DACH1: variants seen among roughly 807,000 people sequenced by gnomAD.
DACH1 encodes the protein dachshund homolog 1.
A neutral mutation model predicts 54.2 loss-of-function variants in DACH1; 12 were observed. That is an observed-to-expected ratio of 0.22 (90% CI 0.14 to 0.36). The LOEUF (loss-of-function observed/expected upper bound fraction) is 0.36, where lower values mean the gene tolerates loss of function less well. Among genes scored for constraint, DACH1 ranks in the 10% least tolerant of loss-of-function variants. DACH1 has a pLI of 1.00. For missense variants in DACH1, 805 were observed against 929.8 expected (o/e 0.87, Z 1.75); for synonymous variants, 386 against 366.2 (o/e 1.05, Z -0.62).
intron 7 of DACH1, among the ~76,000 whole-genome samples, chr13:71,483,035 T>A (rs1219844291): frequency 6.6e-6 from 1 of 151,880 alleles, no homozygotes; most frequent in African/African-American, 2.4e-5. Flanking sequence ...ACCCCTTACC[T>A]CAGGCGATCC....
intron 10 of DACH1, among the ~76,000 whole-genome samples, chr13:71,451,148 A>G (rs1875014423): frequency 6.6e-6 from 1 of 152,134 alleles, no homozygotes; most frequent in African/African-American, 2.4e-5. Flanking sequence ...CCTTCGACAA[A>G]GTGTTTTAGT....
intron 2 of DACH1, among the ~76,000 whole-genome samples, chr13:71,674,091 C>T (rs1880396082): frequency 6.6e-6 from 1 of 152,090 alleles, no homozygotes; most frequent in Non-Finnish European, 1.5e-5. Context: ...ATTCATTGAA[C>T]AAATATTTAG....
chr13:71,623,661 G>A (rs1421142924), intron 3 of DACH1, among the ~76,000 whole-genome samples: 1 of 151,434 alleles, frequency 6.6e-6, no homozygotes, highest in Non-Finnish European at 1.5e-5. Context: ...CTTTTATTGA[G>A]GTTTCAAAAA....
intron 6 of DACH1, among the ~76,000 whole-genome samples, chr13:71,545,393 G>A (rs1199830580): frequency 1.3e-5 from 2 of 151,852 alleles, no homozygotes; most frequent in Non-Finnish European, 2.9e-5. Context: ...AAATAATAAG[G>A]TCAATATATA....
At chr13:71,509,361 T>A (rs931429927) in intron 6 of DACH1, among the ~76,000 whole-genome samples, 1 of 151,888 alleles carries the variant, frequency 6.6e-6, no homozygotes, top group African/African-American at 2.4e-5. Flanking sequence ...TAAAACCAAC[T>A]CATAACAATA....
In DACH1 at chr13:71,681,882, T is replaced by C; in HGVS notation, c.877A>G (p.Thr293Ala). 2 of 1,613,380 alleles carry C rather than the reference T, an allele frequency of 1.2e-6. No individual in the cohort carries two copies. The highest frequency in any genetic ancestry group is 1.7e-6 in the Non-Finnish European group (2 of 1,179,668). The change falls in exon 2 of 11, where the codon ACT (threonine) becomes GCT (alanine). Residue 293 changes from threonine (T) to alanine (A), a missense_variant. This residue lies in a region of DACH1 where 472 missense variants were observed against 545.3 expected (regional missense o/e 0.87). Transcript: ENST00000613252. ...TTCTCTGGGGAGGTGACACTTTGAG[T>C]CCTCTTAGGAGGCCTTCCAGGTCTA... ...SSRPGRPPKR[T>A]QSVTSPENSH...
chr13:71,722,583 A>G (rs1162909970), intron 1 of DACH1, among the ~76,000 whole-genome samples: 1 of 152,176 alleles, frequency 6.6e-6, no homozygotes, highest in African/African-American at 2.4e-5. Flanking sequence ...ATCTGTATGC[A>G]TTTAAAATAA....
intron 3 of DACH1, among the ~76,000 whole-genome samples, chr13:71,620,158 C>A (rs1176383334): frequency 6.6e-6 from 1 of 151,774 alleles, no homozygotes; most frequent in Non-Finnish European, 1.5e-5. Context: ...TTTAATAAGG[C>A]CATTTCCAAA....
At chr13:71,563,208 C>G (rs995028463) in intron 4 of DACH1, among the ~76,000 whole-genome samples, 12 of 152,006 alleles carry the variant, frequency 7.9e-5, no homozygotes, top group Non-Finnish European at 1.5e-5. Context: ...ATTAACCATT[C>G]TATTTTATTC....
chr13:71,830,510 T>C (rs1368193796), intron 1 of DACH1, among the ~76,000 whole-genome samples: 1 of 151,902 alleles, frequency 6.6e-6, no homozygotes, highest in Non-Finnish European at 1.5e-5. Context: ...CAGTGAAATC[T>C]GTCTACTCAC....
intron 1 of DACH1, among the ~76,000 whole-genome samples, chr13:71,829,232 C>T (rs1407543680): frequency 6.6e-6 from 1 of 151,788 alleles, no homozygotes; most frequent in African/African-American, 2.4e-5. Context: ...GTATTGAAGT[C>T]ATCATCGGGC....
At chr13:71,486,969 C>T (rs1418331266) in intron 7 of DACH1, among the ~76,000 whole-genome samples, 2 of 151,842 alleles carry the variant, frequency 1.3e-5, no homozygotes, top group Non-Finnish European at 1.5e-5. Flanking sequence ...CTCAACCTCT[C>T]GAGTAGCTGG....
intron 2 of DACH1, among the ~76,000 whole-genome samples, chr13:71,680,598 T>A (rs1048063164): frequency 2.6e-5 from 4 of 152,194 alleles, no homozygotes; most frequent in African/African-American, 9.7e-5. Context: ...AGGGAGACTC[T>A]TTGTCTTAAA....
intron 1 of DACH1, among the ~76,000 whole-genome samples, chr13:71,730,540 T>C (rs370162812): frequency 6.6e-6 from 1 of 152,198 alleles, no homozygotes; most frequent in African/African-American, 2.4e-5. Flanking sequence ...CATAATGTTG[T>C]CTAATTTTAA....
intron 4 of DACH1, among the ~76,000 whole-genome samples, chr13:71,563,332 A>C (rs900726879): frequency 6.6e-6 from 1 of 151,996 alleles, no homozygotes; most frequent in African/African-American, 2.4e-5. Flanking sequence ...GAAATAAATC[A>C]GTCTCTCTAA....
At chr13:71,543,681 T>G (rs978225225) in intron 6 of DACH1, among the ~76,000 whole-genome samples, 7 of 152,088 alleles carry the variant, frequency 4.6e-5, no homozygotes, top group Non-Finnish European at 1.0e-4. Flanking sequence ...TTGGATATTT[T>G]TCTAGATATA....
chr13:71,698,251 C>G (rs140308008), intron 1 of DACH1, among the ~76,000 whole-genome samples: 2,483 of 151,782 alleles, frequency 0.016, 59 homozygotes, highest in African/African-American at 0.049. Flanking sequence ...ATGGCAAATG[C>G]ATATGAATAG....
At chr13:71,651,668 CTGTATCTGTATCTGTATA>C (rs372318562) in intron 2 of DACH1, among the ~76,000 whole-genome samples, 3,318 of 125,918 alleles carry the variant, frequency 0.026, 107 homozygotes, top group African/African-American at 0.093. Flanking sequence ...GTATCTGTAT[CTGTATCTGTATCTGTATA>C]TGTATATGTA....
chr13:71,781,140 G>C (rs1026962353), intron 1 of DACH1, among the ~76,000 whole-genome samples: 1 of 151,642 alleles, frequency 6.6e-6, no homozygotes, highest in Non-Finnish European at 1.5e-5. Flanking sequence ...GTTATGGTAA[G>C]TTTGAAACTT....
Sources: allele counts gnomAD v4.1 joint callset (sites outside exome capture counted in the v4.1 genomes callset), GRCh38; gene constraint gnomAD v4.1.1; regional missense constraint gnomAD v4.1.1; transcripts MANE v1.5; gene names NCBI Gene and HGNC (gene_info 2026-07-23, HGNC 2026-07-21).